GLYR1: variants seen among roughly 807,000 people sequenced by gnomAD.
GLYR1 encodes the protein glyoxylate reductase 1 homolog.
GLYR1 carries 21 observed loss-of-function variants against 72.7 expected under a neutral mutation model. The ratio of observed to expected loss-of-function variants is 0.29; its 90% confidence interval spans 0.20 to 0.42. The LOEUF (loss-of-function observed/expected upper bound fraction) is 0.42, where lower values mean the gene tolerates loss of function less well. Among genes scored for constraint, GLYR1 ranks in the 10% least tolerant of loss-of-function variants. GLYR1 has a pLI of 1.00. For missense variants in GLYR1, 594 were observed against 712.1 expected (o/e 0.83, Z 1.89); for synonymous variants, 392 against 270.2 (o/e 1.45, Z -4.42).
At chr16:4,815,381 T>C (rs772220987) in intron 10 of GLYR1, among the ~76,000 whole-genome samples, 1 of 152,222 alleles carries the variant, frequency 6.6e-6, no homozygotes. Context: ...TCTATATTGT[T>C]GTCTTTCATA....
chr16:4,821,075 G>C (rs2083990648), intron 9 of GLYR1: 1 of 472,240 alleles, frequency 2.1e-6, no homozygotes, highest in African/African-American at 1.9e-5. Flanking sequence ...TATTGACTGA[G>C]AAGCCACCTT....
At chr16:4,830,280 G>C (rs1357643472) in intron 5 of GLYR1, among the ~76,000 whole-genome samples, 1 of 143,358 alleles carries the variant, frequency 7.0e-6, no homozygotes. Flanking sequence ...GCCTGGTCTT[G>C]AACTCCTGGG....
intron 10 of GLYR1, 61 bp downstream of exon 10, chr16:4,817,537 T>A: frequency 2.1e-6 from 2 of 968,438 alleles, no homozygotes; most frequent in Non-Finnish European, 3.3e-6. Context: ...GGGGGAGATG[T>A]CCACTCTTAG....
intron 10 of GLYR1, among the ~76,000 whole-genome samples, chr16:4,816,688 T>TA: frequency 6.6e-6 from 1 of 152,184 alleles, no homozygotes; most frequent in East Asian, 1.9e-4. Context: ...GGTTTTCTTT[T>TA]AAAAAATTAC....
At chr16:4,816,904 T>C (rs1408888488) in intron 10 of GLYR1, among the ~76,000 whole-genome samples, 4 of 150,940 alleles carry the variant, frequency 2.7e-5, no homozygotes, top group South Asian at 2.1e-4. Context: ...GGAGAATCAC[T>C]TGAACCTGGG....
Position 4,821,540 on chromosome 16 carries a change from T to C in GLYR1, c.732+7A>G, listed in dbSNP as rs775919582. ...AATTAAAATGGGGAGGCATGGAGCC[T>C]ACATACCTCTTCACATATTTTCAAC... On this transcript the variant is annotated splice_region_variant and intron_variant, in intron 8 of 15. Coordinates refer to ENST00000321919, the MANE Select transcript of GLYR1 (RefSeq NM_032569.4). The C allele has an allele frequency of 8.1e-6, 13 of 1,614,022 alleles. No homozygotes were observed. The highest frequency in any genetic ancestry group is 1.1e-5 in the Non-Finnish European group (13 of 1,179,934).
At chr16:4,826,195 G>T (rs968005837) in intron 5 of GLYR1, among the ~76,000 whole-genome samples, 12 of 152,236 alleles carry the variant, frequency 7.9e-5, no homozygotes, top group African/African-American at 2.9e-4. Context: ...CTACAGGTGT[G>T]TGCCACTACG....
intron 15 of GLYR1, among the ~76,000 whole-genome samples, chr16:4,809,903 G>C (rs536746220): frequency 1.3e-5 from 2 of 151,350 alleles, no homozygotes; most frequent in African/African-American, 4.9e-5. Flanking sequence ...CAGCCTGGGC[G>C]AAAGAGCAAA....
intron 2 of GLYR1, 78 bp from the exon 3 acceptor site, chr16:4,845,231 G>A (rs916134900): frequency 3.4e-6 from 3 of 883,802 alleles, no homozygotes; most frequent in Non-Finnish European, 5.6e-6. Context: ...TTGCTCTACA[G>A]TTCTACGTTG....
intron 3 of GLYR1, among the ~76,000 whole-genome samples, chr16:4,843,011 C>T (rs1173701281): frequency 6.6e-6 from 1 of 152,052 alleles, no homozygotes; most frequent in African/African-American, 2.4e-5. Context: ...TCATTGTGCA[C>T]ATCATCTTAT....
chr16:4,809,159 A>G lies in GLYR1; in HGVS notation c.1587+2011T>C, dbSNP rs1039269466. Among the ~76,000 whole-genome samples the G allele has an allele frequency of 1.5e-4, 22 of 151,638 alleles. No homozygotes were observed. The East Asian group carries it at 4.3e-3, about 30-fold the overall frequency. On this transcript the variant is annotated intron_variant, in intron 15 of 15. Transcript: ENST00000321919. The stretch of plus-strand genomic sequence containing the variant: ...GAAAAATATACATACCATGAAAACA[A>G]TAAGCCTGAGAAGGCTGTAGCAGCT...
At chr16:4,813,051 C>A (rs2083419715) in intron 12 of GLYR1, among the ~76,000 whole-genome samples, 1 of 151,978 alleles carries the variant, frequency 6.6e-6, no homozygotes, top group Non-Finnish European at 1.5e-5. Flanking sequence ...CAAGCTCCGC[C>A]TCCTGGGTTC....
At chr16:4,809,187 CG>C (rs1380387399) in intron 15 of GLYR1, among the ~76,000 whole-genome samples, 12 of 115,848 alleles carry the variant, frequency 1.0e-4, no homozygotes, top group African/African-American at 1.6e-4. Flanking sequence ...TAGCAGCTTT[CG>C]TTTTTTTTTT....
intron 15 of GLYR1, 29 bp downstream of exon 15, chr16:4,811,141 C>A: frequency 6.3e-7 from 1 of 1,597,586 alleles, no homozygotes; most frequent in Non-Finnish European, 8.5e-7. Flanking sequence ...AACTGAAGGG[C>A]CTTGGGGCTT....
intron 5 of GLYR1, among the ~76,000 whole-genome samples, chr16:4,829,574 C>T (rs1449822507): frequency 6.6e-6 from 1 of 152,004 alleles, no homozygotes; most frequent in Non-Finnish European, 1.5e-5. Context: ...GTAACCTCCA[C>T]CTCCTGGGTT....
chr16:4,822,423 C>T (rs932446935), intron 7 of GLYR1, among the ~76,000 whole-genome samples: 5 of 151,938 alleles, frequency 3.3e-5, no homozygotes, highest in Non-Finnish European at 5.9e-5. Flanking sequence ...CAGAGTCTTA[C>T]GCTGTTGCCC....
intron 15 of GLYR1, among the ~76,000 whole-genome samples, chr16:4,806,219 G>GC (rs1274431010): frequency 8.5e-5 from 13 of 152,188 alleles, no homozygotes; most frequent in South Asian, 4.1e-4. Context: ...TGCTTGGATA[G>GC]CCCCCCCACA....
chr16:4,846,144 G>C, intron 2 of GLYR1, 30 bp downstream of exon 2: 1 of 1,612,622 alleles, frequency 6.2e-7, no homozygotes, highest in Non-Finnish European at 8.5e-7. Context: ...CCCAACTTCA[G>C]ATCTCTTCCT....
In GLYR1 at chr16:4,838,989, C is replaced by T. The variant is rs148900543; in HGVS notation, c.156-6077G>A. Among the ~76,000 whole-genome samples the T allele has an allele frequency of 5.8e-3, 883 of 152,250 alleles. 6 individuals carry two copies. The highest frequency in any genetic ancestry group is 0.02 in the African/African-American group (848 of 41,544). On this transcript the variant is annotated intron_variant, in intron 3 of 15. Transcript: ENST00000321919. ...GTAGCCTTGACCTCCCAGGCTCAAGCGATCCTTCTGCTTCAGTCTCCCAAG... is the reference window on the plus strand; with the variant it reads ...GTAGCCTTGACCTCCCAGGCTCAAGTGATCCTTCTGCTTCAGTCTCCCAAG...
Sources: gnomAD v4.1 joint callset for allele counts (sites outside exome capture counted in the v4.1 genomes callset) on GRCh38, gnomAD v4.1.1 for gene constraint, MANE v1.5 for transcripts, NCBI Gene and HGNC (gene_info 2026-07-23, HGNC 2026-07-21) for gene names.